Variants in PDE4D observed in about 807,000 individuals in gnomAD.
The protein encoded by PDE4D is 3',5'-cyclic-AMP phosphodiesterase 4D.
Under a neutral mutation model 87.4 loss-of-function variants are expected in PDE4D, and 24 were observed. The ratio of observed to expected loss-of-function variants is 0.27; its 90% confidence interval spans 0.20 to 0.39. The LOEUF (loss-of-function observed/expected upper bound fraction) is 0.39. Among genes scored for constraint, PDE4D ranks in the 10% least tolerant of loss-of-function variants. The pLI is 1.00. For synonymous variants in PDE4D, 384 were observed against 383.2 expected, an observed-to-expected ratio of 1.00 and a Z score of -0.02; for missense variants, 714 against 1,041.0, an observed-to-expected ratio of 0.69 and a Z score of 4.32.
At chr5:59,833,217 T>G (rs1741511286) in intron 1 of PDE4D, among the ~76,000 whole-genome samples, 2 of 151,932 alleles carry the variant, frequency 1.3e-5, no homozygotes, top group African/African-American at 4.8e-5. Context: ...CGGTGATGAA[T>G]GGGTTGACAT....
intron 1 of PDE4D, among the ~76,000 whole-genome samples, chr5:60,210,792 A>T (rs1440670913): frequency 6.7e-6 from 1 of 149,468 alleles, no homozygotes. Flanking sequence ...ATTACAGCCC[A>T]GGTAGTTCTG....
At chr5:59,704,084 T>C (rs1357217975) in intron 1 of PDE4D, among the ~76,000 whole-genome samples, 1 of 151,678 alleles carries the variant, frequency 6.6e-6, no homozygotes, top group Non-Finnish European at 1.5e-5. Flanking sequence ...TTTCAAGGAG[T>C]GCGAGGGAGG....
chr5:60,444,795 A>G (rs1013027573), intron 1 of PDE4D, among the ~76,000 whole-genome samples: 13 of 151,494 alleles, frequency 8.6e-5, no homozygotes, highest in Non-Finnish European at 1.5e-5. Flanking sequence ...CCAGGGGAGG[A>G]CCTGCTACTG....
chr5:60,114,992 C>T (rs1381937613), intron 2 of PDE4D, among the ~76,000 whole-genome samples: 8 of 79,612 alleles, frequency 1.0e-4, no homozygotes, highest in African/African-American at 3.7e-4. Context: ...CTAGATAATA[C>T]TTAGGATGCC....
intron 1 of PDE4D, among the ~76,000 whole-genome samples, chr5:59,320,286 A>G (rs1774477244): frequency 1.3e-5 from 2 of 152,246 alleles, no homozygotes; most frequent in South Asian, 4.1e-4. Flanking sequence ...TAAAACACTT[A>G]GAATCGTGCC....
In PDE4D at chr5:60,337,388, T is replaced by TATATAC. The variant is rs66871903; in HGVS notation, c.-90+150553_-90+150554insGTATAT. Among the ~76,000 whole-genome samples, 331 of 89,312 alleles carry TATATAC rather than the reference T, an allele frequency of 3.7e-3. 3 individuals carry two copies. The highest frequency in any genetic ancestry group is 6.9e-3 in the African/African-American group (161 of 23,322). 58.6% of individuals were successfully genotyped at this position (89,312 alleles called of 152,430 possible). A position where few individuals can be genotyped will look rare whatever the true frequency, so the allele number is the denominator to read the frequency against. On this transcript the variant is annotated intron_variant, in intron 1 of 16. Coordinates refer to the PDE4D transcript ENST00000502484. Reference sequence around the variant, plus strand: ...ATATATATATATATATATATATATATACACACACACACACACACATATATC... The same window carrying TATATAC: ...ATATATATATATATATATATATATATATATACACACACACACACACACACATATATC...
Position 59,893,490 on chromosome 5 carries a change from G to A in PDE4D, c.133C>T (p.Gln45Ter). ...GGATGCAGGAGGCGGAACTGGGGCT[G>A]CCGGAGCGGGTACTGGTGGTGCTGC... ...HEQHHQYPLR[Q>*]PQFRLLHPHH... Residue 45 changes from glutamine (Q) to a stop codon, truncating the protein, a stop_gained, in exon 1 of 15, where the codon CAG becomes TAG. Transcript: ENST00000340635. LOFTEE classifies it high-confidence loss of function. The A allele has an allele frequency of 1.3e-6, 2 of 1,540,340 alleles. No individual in the cohort carries two copies. The highest frequency in any genetic ancestry group is 1.2e-5 in the South Asian group (1 of 82,774).
chr5:59,546,973 TACAGCATA>T (rs1255003740), intron 1 of PDE4D, among the ~76,000 whole-genome samples: 1 of 152,172 alleles, frequency 6.6e-6, no homozygotes, highest in Non-Finnish European at 1.5e-5. Flanking sequence ...TCTCATACAG[TACAGCATA>T]ACCAACAACA....
intron 1 of PDE4D, among the ~76,000 whole-genome samples, chr5:59,696,006 T>C (rs1430392672): frequency 6.6e-6 from 1 of 152,236 alleles, no homozygotes; most frequent in African/African-American, 2.4e-5. Flanking sequence ...CATTATGTGC[T>C]AATACCTTTA....
At chr5:59,938,822 T>C (rs1756884865) in intron 3 of PDE4D, among the ~76,000 whole-genome samples, 1 of 152,244 alleles carries the variant, frequency 6.6e-6, no homozygotes, top group African/African-American at 2.4e-5. Context: ...TCAGATTCAA[T>C]TTTAACTTTA....
At chr5:59,895,418 T>C (rs572094716), upstream of PDE4D, among the ~76,000 whole-genome samples, 1 of 152,338 alleles carries the variant, frequency 6.6e-6, no homozygotes, top group Non-Finnish European at 1.5e-5. Flanking sequence ...AGAAAGGTTG[T>C]GTCTTAAGAG....
chr5:59,813,114 G>C (rs1438405671), intron 1 of PDE4D, among the ~76,000 whole-genome samples: 1 of 152,100 alleles, frequency 6.6e-6, no homozygotes, highest in East Asian at 1.9e-4. Flanking sequence ...TTTGCTTATG[G>C]TCCAAGGACA....
intron 2 of PDE4D, among the ~76,000 whole-genome samples, chr5:60,174,864 C>T (rs1025505562): frequency 3.9e-5 from 6 of 151,970 alleles, no homozygotes; most frequent in African/African-American, 1.4e-4. Flanking sequence ...TGATTTTTAG[C>T]AATTTCAATA....
chr5:59,620,415 G>A (rs1336649986), intron 1 of PDE4D, among the ~76,000 whole-genome samples: 1 of 152,114 alleles, frequency 6.6e-6, no homozygotes, highest in African/African-American at 2.4e-5. Flanking sequence ...GGTCTTTAAC[G>A]TAATAAGAGG....
chr5:60,198,502 T>C (rs897016811), intron 1 of PDE4D, among the ~76,000 whole-genome samples: 4 of 151,638 alleles, frequency 2.6e-5, no homozygotes, highest in Non-Finnish European at 5.9e-5. Context: ...CTTTTGCATG[T>C]CAATGTCAGG....
chr5:59,115,456 C>T (rs537766714), intron 5 of PDE4D, among the ~76,000 whole-genome samples: 1 of 152,272 alleles, frequency 6.6e-6, no homozygotes, highest in East Asian at 1.9e-4. Context: ...CTGAAATCTC[C>T]TACCCAGCCT....
At chr5:59,897,573 G>T (rs1466785796), upstream of PDE4D, among the ~76,000 whole-genome samples, 1 of 151,980 alleles carries the variant, frequency 6.6e-6, no homozygotes, top group Non-Finnish European at 1.5e-5. Context: ...TTTACATTAG[G>T]TATTTCTCCT....
intron 2 of PDE4D, among the ~76,000 whole-genome samples, chr5:59,205,690 ACACACAC>A (rs1748613843): frequency 6.6e-6 from 1 of 151,042 alleles, no homozygotes; most frequent in African/African-American, 2.4e-5. Flanking sequence ...ACACACACAC[ACACACAC>A]ACCAATCCAC....
At chr5:60,317,969 T>A (rs1425245361) in intron 1 of PDE4D, among the ~76,000 whole-genome samples, 1 of 152,176 alleles carries the variant, frequency 6.6e-6, no homozygotes, top group Admixed American at 6.5e-5. Flanking sequence ...TTCTGTAGAT[T>A]TGGGGTGGAG....
Sources: allele counts gnomAD v4.1 joint callset (sites outside exome capture counted in the v4.1 genomes callset), GRCh38; gene constraint gnomAD v4.1.1; transcripts MANE v1.5; gene names NCBI Gene and HGNC (gene_info 2026-07-23, HGNC 2026-07-21).